The following RGS7 variants were observed in gnomAD, a reference collection of about 807,000 sequenced individuals.
The protein encoded by RGS7 is regulator of G-protein signaling 7.
RGS7 carries 27 observed loss-of-function variants against 81.1 expected under a neutral mutation model. The ratio of observed to expected loss-of-function variants is 0.33; its 90% CI spans 0.25 to 0.46. RGS7 has a LOEUF of 0.46. Ranked by LOEUF, RGS7 falls within the 20% of genes least tolerant of loss-of-function variation. The pLI is 1.00. For synonymous variants in RGS7, 208 were observed against 207.7 expected, an observed-to-expected ratio of 1.00 and a Z score of -0.01; for missense variants, 396 against 607.4, an observed-to-expected ratio of 0.65 and a Z score of 3.66.
intron 18 of RGS7, among the ~76,000 whole-genome samples, chr1:240,791,560 T>C (rs1428064012): frequency 6.6e-6 from 1 of 152,220 alleles, no homozygotes; most frequent in African/African-American, 2.4e-5. Flanking sequence ...CCACAGCTTG[T>C]CATCAGTATA....
chr1:241,213,957 G>C (rs140968989), intron 2 of RGS7, among the ~76,000 whole-genome samples: 2 of 151,978 alleles, frequency 1.3e-5, no homozygotes, highest in African/African-American at 4.8e-5. Context: ...GTAAAGACAG[G>C]GTCTCACTAT....
chr1:240,877,119 C>T (rs1406805954), intron 6 of RGS7, among the ~76,000 whole-genome samples: 1 of 151,900 alleles, frequency 6.6e-6, no homozygotes, highest in Non-Finnish European at 1.5e-5. Flanking sequence ...AATATCTGTT[C>T]AACAAGATAC....
At chr1:241,125,801 G>T (rs747047591) in intron 2 of RGS7, among the ~76,000 whole-genome samples, 1 of 152,190 alleles carries the variant, frequency 6.6e-6, no homozygotes, top group Admixed American at 6.5e-5. Flanking sequence ...AAGGATCAGG[G>T]CAGGCATACA....
chr1:241,275,397 T>C (rs1161983481), intron 2 of RGS7, among the ~76,000 whole-genome samples: 1 of 152,208 alleles, frequency 6.6e-6, no homozygotes, highest in Non-Finnish European at 1.5e-5. Context: ...TCCATAAAAA[T>C]ATACACTATA....
At chr1:241,277,245 T>A (rs2078241966) in intron 2 of RGS7, among the ~76,000 whole-genome samples, 1 of 152,248 alleles carries the variant, frequency 6.6e-6, no homozygotes, top group African/African-American at 2.4e-5. Context: ...AATTATTTTT[T>A]CAATTTTTGA....
Position 241,313,786 on chromosome 1 carries a change from T to G in RGS7, c.78+41913A>C, listed in dbSNP as rs114459918. On this transcript the variant is annotated intron_variant, in intron 2 of 18. Transcript: ENST00000440928. Reference sequence around the variant, plus strand: ...ACCATTCTAGATGTCATTAAGAACTTTCATAATTCATAGGAAGAGGTCAAA... The same window carrying G: ...ACCATTCTAGATGTCATTAAGAACTGTCATAATTCATAGGAAGAGGTCAAA... 5.8e-3 allele frequency among the ~76,000 whole-genome samples: 879 copies of G among 152,288 alleles called. 5 individuals are homozygous for G. Among genetic ancestry groups the G allele is most frequent in the African/African-American group, 0.02 (811 of 41,554 alleles).
At chr1:240,901,171 G>A (rs538197732) in intron 6 of RGS7, among the ~76,000 whole-genome samples, 56 of 152,252 alleles carry the variant, frequency 3.7e-4, no homozygotes, top group African/African-American at 1.1e-3. Flanking sequence ...GGAGTGTCCC[G>A]ATTTTCCAGG....
At chr1:240,801,631 T>C (rs1051532892) in intron 16 of RGS7, 123 bp from the exon 17 acceptor site, 5 of 760,708 alleles carry the variant, frequency 6.6e-6, no homozygotes, top group East Asian at 2.7e-5. Context: ...CAAATCCATG[T>C]TCTAAATCAG....
chr1:241,028,362 A>G (rs1309255504), intron 3 of RGS7, among the ~76,000 whole-genome samples: 1 of 152,210 alleles, frequency 6.6e-6, no homozygotes, highest in African/African-American at 2.4e-5. Context: ...TGGAACTCAT[A>G]TTCAGTTTGT....
intron 2 of RGS7, among the ~76,000 whole-genome samples, chr1:241,297,318 T>C (rs530525987): frequency 6.6e-4 from 100 of 152,224 alleles, no homozygotes; most frequent in African/African-American, 1.8e-3. Flanking sequence ...CAGAATCAGG[T>C]GAAGGTGAGT....
chr1:241,349,820 C>T (rs2083123104), intron 2 of RGS7, among the ~76,000 whole-genome samples: 1 of 152,180 alleles, frequency 6.6e-6, no homozygotes, highest in East Asian at 1.9e-4. Flanking sequence ...TTCAAAGAGA[C>T]TTAACATTAA....
At chr1:241,055,280 T>G (rs2061424135) in intron 3 of RGS7, among the ~76,000 whole-genome samples, 1 of 152,162 alleles carries the variant, frequency 6.6e-6, no homozygotes, top group African/African-American at 2.4e-5. Flanking sequence ...CTCCCAATTC[T>G]GATGGTAATC....
chr1:241,355,878 T>C (rs2083529115), intron 1 of RGS7, 52 bp from the exon 2 acceptor site: 1 of 923,648 alleles, frequency 1.1e-6, no homozygotes, highest in Non-Finnish European at 1.8e-6. Context: ...CTCCCCTGAT[T>C]CATCATCATC....
intron 2 of RGS7, among the ~76,000 whole-genome samples, chr1:241,124,100 TAAG>T (rs554035517): frequency 9.4e-4 from 143 of 152,164 alleles, no homozygotes; most frequent in African/African-American, 3.3e-3. Flanking sequence ...GTATCCCTCT[TAAG>T]AAGAACCAGG....
rs951739803 is a variant in RGS7 at position 240,840,920 on chromosome 1, T to C, written c.610-13748A>G. On this transcript the variant is annotated intron_variant, in intron 9 of 18. Coordinates refer to ENST00000440928, the MANE Select transcript of RGS7 (RefSeq NM_001364886.1). ...TCTATTAAAAATACAAAATGAGTTT[T>C]ATTTTCTGTTTGCTTGTGTGTATGT... Among the ~76,000 whole-genome samples the C allele has an allele frequency of 2.0e-5, 3 of 151,896 alleles. No homozygotes were observed. In the South Asian group the frequency reaches 6.2e-4, roughly 31 times the overall value.
chr1:240,940,655 C>T (rs753554416), intron 4 of RGS7, among the ~76,000 whole-genome samples: 6 of 152,078 alleles, frequency 3.9e-5, no homozygotes, highest in Non-Finnish European at 2.9e-5. Context: ...GGAAGATAGA[C>T]AGTAAGAGGA....
intron 2 of RGS7, among the ~76,000 whole-genome samples, chr1:241,342,373 AAGG>A (rs770581399): frequency 5.6e-4 from 86 of 152,336 alleles, no homozygotes; most frequent in Non-Finnish European, 1.0e-3. Flanking sequence ...CAGTGGAATG[AAGG>A]AGATCTCAGT....
At chr1:241,106,702 C>T (rs181721103) in intron 2 of RGS7, among the ~76,000 whole-genome samples, 1,401 of 118,378 alleles carry the variant, frequency 0.012, 36 homozygotes, top group Admixed American at 0.058. Flanking sequence ...GGTGACAGAG[C>T]GAGACTCCGT....
chr1:240,969,401 A>G (rs2148503039), intron 4 of RGS7, among the ~76,000 whole-genome samples: 1 of 152,308 alleles, frequency 6.6e-6, no homozygotes, highest in South Asian at 2.1e-4. Context: ...AGCCATGTTC[A>G]TTTTTGTTTT....
Sources: allele counts gnomAD v4.1 joint callset (sites outside exome capture counted in the v4.1 genomes callset), GRCh38; gene constraint gnomAD v4.1.1; transcripts MANE v1.5; gene names NCBI Gene and HGNC (gene_info 2026-07-23, HGNC 2026-07-21).